The following CELF2 variants were observed in gnomAD, a reference collection of about 807,000 sequenced individuals.
The protein encoded by CELF2 is CUG triplet repeat RNA-binding protein 2.
A neutral mutation model predicts 62.6 loss-of-function variants in CELF2; 8 were observed. The observed-to-expected ratio is 0.13, with a 90% CI of 0.07 to 0.23. The LOEUF is 0.23. Ranked by LOEUF, CELF2 falls within the 10% of genes least tolerant of loss-of-function variation. The pLI is 1.00. For missense variants in CELF2, 333 were observed against 671.0 expected, an observed-to-expected ratio of 0.50 and a Z score of 5.56; for synonymous variants, 258 against 250.0, an observed-to-expected ratio of 1.03 and a Z score of -0.30.
At chr10:10,578,570 A>G in the CELF2 span, among the ~76,000 whole-genome samples, 1 of 152,112 alleles carries the variant, frequency 6.6e-6, no homozygotes, top group African/African-American at 2.4e-5. Context: ...CTGTTATCGT[A>G]TATCAGAGGA....
the CELF2 span, among the ~76,000 whole-genome samples, chr10:10,615,371 G>A: frequency 6.6e-6 from 1 of 152,128 alleles, no homozygotes; most frequent in East Asian, 1.9e-4. Context: ...TCCCCGCTGA[G>A]GTCCAGGAGG....
At chr10:10,616,685 T>TGTGC in the CELF2 span, among the ~76,000 whole-genome samples, 1 of 132,624 alleles carries the variant, frequency 7.5e-6, no homozygotes, top group South Asian at 2.7e-4. Context: ...CGTGTGTGTG[T>TGTGC]GTGTGCGTGT....
At chr10:11,052,201 G>A (rs1331032370) in intron 1 of CELF2, among the ~76,000 whole-genome samples, 1 of 152,146 alleles carries the variant, frequency 6.6e-6, no homozygotes, top group Non-Finnish European at 1.5e-5. Context: ...CTCCCAAAGT[G>A]TGGGGATTAC....
rs1004547188 is a variant in CELF2, at chr10:11,159,490, C to T, written c.75-5996C>T. On this transcript the variant is annotated intron_variant, in intron 1 of 12. Transcript: ENST00000633077. The surrounding 1 kb of genome is among the most constrained non-coding windows in gnomAD (Gnocchi z 5.0). The stretch of plus-strand genomic sequence containing the variant: ...CTCCTCTTCCTAAATCGAAAGGATG[C>T]GCTAAGTTGAGCATGGACAGGGCGC... Among the ~76,000 whole-genome samples the T allele has an allele frequency of 3.3e-5, 5 of 152,182 alleles. No homozygotes were observed. The highest frequency in any genetic ancestry group is 1.9e-4 in the East Asian group (1 of 5,198).
the CELF2 span, among the ~76,000 whole-genome samples, chr10:10,536,215 T>G: frequency 1.1e-4 from 16 of 152,246 alleles, no homozygotes; most frequent in Middle Eastern, 3.4e-3. Context: ...AGATGGGGTT[T>G]CATCATGTTG....
At chr10:10,788,216 A>G in the CELF2 span, among the ~76,000 whole-genome samples, 1 of 152,164 alleles carries the variant, frequency 6.6e-6, no homozygotes, top group Non-Finnish European at 1.5e-5. Flanking sequence ...GTATGGATAT[A>G]TTTCAAAATA....
At chr10:11,004,556 A>AT (rs982402459), upstream of CELF2, among the ~76,000 whole-genome samples, 37 of 152,170 alleles carry the variant, frequency 2.4e-4, no homozygotes, top group Admixed American at 2.4e-3. The surrounding 1 kb of genome is among the most constrained non-coding windows in gnomAD (Gnocchi z 5.0). Flanking sequence ...AGGAAAGCAG[A>AT]TTTTTCTTAT....
chr10:10,893,017 T>A (rs2062262618), intron 1 of CELF2, among the ~76,000 whole-genome samples: 1 of 152,230 alleles, frequency 6.6e-6, no homozygotes, highest in Non-Finnish European at 1.5e-5. Flanking sequence ...TTTCTCTTAT[T>A]GCATCCTTCT....
chr10:10,695,509 AT>A, the CELF2 span, among the ~76,000 whole-genome samples: 2 of 150,920 alleles, frequency 1.3e-5, no homozygotes, highest in African/African-American at 4.9e-5. Flanking sequence ...CTCGAGGAGT[AT>A]CTTTGTGGCG....
At chr10:10,640,540 G>A in the CELF2 span, among the ~76,000 whole-genome samples, 1 of 152,070 alleles carries the variant, frequency 6.6e-6, no homozygotes, top group Non-Finnish European at 1.5e-5. Flanking sequence ...TTCAATAATG[G>A]TCTGATTCTG....
chr10:11,163,197 A>G (rs750945715), intron 1 of CELF2, among the ~76,000 whole-genome samples: 2 of 152,238 alleles, frequency 1.3e-5, no homozygotes, highest in African/African-American at 2.4e-5. Flanking sequence ...TAGAACTAGT[A>G]CAATGCCACT....
chr10:11,250,141 A>G (rs1002114672), intron 4 of CELF2, among the ~76,000 whole-genome samples: 2 of 152,238 alleles, frequency 1.3e-5, no homozygotes, highest in African/African-American at 4.8e-5. Context: ...GCTTCTCCAC[A>G]GAATAGAAAG....
chr10:11,077,848 G>C (rs893702002), intron 1 of CELF2, among the ~76,000 whole-genome samples: 2 of 152,130 alleles, frequency 1.3e-5, no homozygotes, highest in Non-Finnish European at 2.9e-5. Context: ...TATGTGAGTA[G>C]AAGAAAAATA....
chr10:10,943,772 GT>G (rs60416974), intron 2 of CELF2, among the ~76,000 whole-genome samples: 23,412 of 89,456 alleles, frequency 0.26, 3,508 homozygotes, highest in African/African-American at 0.52. Flanking sequence ...CTTTTTTTTT[GT>G]TTTGTTTTTG....
the CELF2 span, among the ~76,000 whole-genome samples, chr10:10,516,540 G>C: frequency 5.9e-5 from 9 of 152,102 alleles, no homozygotes; most frequent in Non-Finnish European, 8.8e-5. Flanking sequence ...CAATTCGGCA[G>C]CACAGATAAA....
At chr10:11,059,918 G>A (rs908685776) in intron 1 of CELF2, among the ~76,000 whole-genome samples, 3 of 152,298 alleles carry the variant, frequency 2.0e-5, no homozygotes, top group Middle Eastern at 3.4e-3. Flanking sequence ...ACTTTCACAC[G>A]CTTAAGCTTA....
At chr10:10,792,629 G>A in the CELF2 span, 1 of 391,094 alleles carries the variant, frequency 2.6e-6, no homozygotes, top group Admixed American at 4.4e-5. Context: ...TGATTCCCTG[G>A]TCTATGATAT....
the CELF2 span, among the ~76,000 whole-genome samples, chr10:10,624,243 A>T: frequency 6.6e-6 from 1 of 152,174 alleles, no homozygotes; most frequent in Non-Finnish European, 1.5e-5. Flanking sequence ...TTATGTACAA[A>T]TTTCTACAAT....
At position 11,242,737 on chromosome 10, in the gene CELF2, A is replaced by C. The variant is rs138562656; in HGVS notation, c.355-6416A>C. Among the ~76,000 whole-genome samples, 1 of 152,230 alleles carries C rather than the reference A, an allele frequency of 6.6e-6. No homozygotes were observed. Among genetic ancestry groups the C allele is most frequent in the Non-Finnish European group, 1.5e-5 (1 of 68,030 alleles). On this transcript the variant is annotated intron_variant, in intron 3 of 12. Coordinates refer to ENST00000633077, the MANE Select transcript of CELF2 (RefSeq NM_001326342.2). This position sits in a 1 kb window ranked among gnomAD's most constrained non-coding sequence, Gnocchi z 4.8. ...AGTGAGGGGCATCAGGTCCAGTCAC[A>C]GGCCAGCCAGGGTGAGGACCAGGGT...
Sources: gnomAD v4.1 joint callset for allele counts (sites outside exome capture counted in the v4.1 genomes callset) on GRCh38, gnomAD v4.1.1 for gene constraint, Gnocchi (gnomAD v3.1) non-coding constraint, MANE v1.5 for transcripts, NCBI Gene and HGNC (gene_info 2026-07-23, HGNC 2026-07-21) for gene names.